Variants in SDK2 observed in about 807,000 individuals in gnomAD.
The protein encoded by SDK2 is sidekick cell adhesion molecule 2.
In SDK2, 105 loss-of-function variants were observed where a neutral mutation model predicts 253.9. That is an observed-to-expected ratio of 0.41 (90% CI 0.35 to 0.49). The LOEUF (loss-of-function observed/expected upper bound fraction) is 0.49. Ranked by LOEUF, SDK2 falls within the 20% of genes least tolerant of loss-of-function variation. The pLI, the probability that SDK2 is intolerant of heterozygous loss-of-function variation, is 0.06. For synonymous variants in SDK2, 1,249 were observed against 1,234.9 expected (o/e 1.01, Z -0.24); for missense variants, 2,608 against 3,003.0 (o/e 0.87, Z 3.07).
At chr17:73,526,696 T>C (rs1468182278) in intron 1 of SDK2, among the ~76,000 whole-genome samples, 1 of 152,142 alleles carries the variant, frequency 6.6e-6, no homozygotes, top group Non-Finnish European at 1.5e-5. Context: ...TGTGTGCATA[T>C]GTGTGTATTT....
In SDK2 at chr17:73,397,963, T is replaced by G. The variant is rs1379742364; in HGVS notation, c.3354+72A>C. 46 of 1,517,584 alleles carry G rather than the reference T, an allele frequency of 3.0e-5. 1 individual carries two copies. The highest frequency in any genetic ancestry group is 2.9e-5 in the Non-Finnish European group (32 of 1,116,702). 94.0% of individuals were successfully genotyped at this position (1,517,584 alleles called of 1,614,324 possible). The stretch of plus-strand genomic sequence containing the variant: ...GAGAAAGGAGCTGTAGGAATTCTGA[T>G]GTGCACCTTCTAGGAGGCAATGACC... On this transcript the variant is annotated intron_variant, in intron 24 of 44. Transcript: ENST00000392650.
intron 2 of SDK2, among the ~76,000 whole-genome samples, chr17:73,501,348 C>T (rs1470357536): frequency 6.6e-6 from 1 of 152,216 alleles, no homozygotes; most frequent in South Asian, 2.1e-4. Context: ...CCACCTGTCC[C>T]CAGCACATGC....
Position 73,507,446 on chromosome 17 carries a change from C to T in SDK2, c.216G>A (p.Leu72=). 1 of 1,550,918 alleles carries T rather than the reference C, an allele frequency of 6.4e-7. No individual in the cohort carries two copies. Among genetic ancestry groups the T allele is most frequent in the South Asian group, 1.2e-5 (1 of 83,972 alleles). The change falls in exon 2 of 45, where the codon CTG becomes CTA. Residue 72 remains leucine (L), a synonymous_variant. Coordinates refer to ENST00000392650, the MANE Select transcript of SDK2 (RefSeq NM_001144952.2). ...GGGGAGGGGCAGTTTACCTGTATTC[C>T]AGGGAGAACTTGGTCAGCTCCCTGT... ...HNNRELTKFS[L]EYRYMITSLD...
chr17:73,401,380 G>A (rs999887736), intron 20 of SDK2, among the ~76,000 whole-genome samples, 169 bp from the exon 21 acceptor site: 6 of 152,150 alleles, frequency 3.9e-5, no homozygotes, highest in African/African-American at 1.2e-4. Context: ...CTCAGGTGTC[G>A]CCTCAGTGGG....
At chr17:73,480,494 G>C (rs137963404) in intron 2 of SDK2, among the ~76,000 whole-genome samples, 33 of 152,294 alleles carry the variant, frequency 2.2e-4, no homozygotes, top group African/African-American at 7.5e-4. Flanking sequence ...TTTGATTGTG[G>C]AAGGAGAGGC....
intron 1 of SDK2, among the ~76,000 whole-genome samples, chr17:73,627,782 C>T (rs768854063): frequency 4.6e-5 from 7 of 152,194 alleles, no homozygotes; most frequent in Non-Finnish European, 8.8e-5. Context: ...GGCGCAGTGG[C>T]TCACACCTGT....
In SDK2 at chr17:73,381,353, T is replaced by C. The variant is rs112743415; in HGVS notation, c.4706-403A>G. ...TATGAACCAGAAACAATTTTACTAC[T>C]AGGAAATATGACTGTATTATACACA... On this transcript the variant is annotated intron_variant, in intron 33 of 44. Transcript: ENST00000392650. Among the ~76,000 whole-genome samples the C allele has an allele frequency of 3.9e-3, 581 of 150,676 alleles. 3 individuals carry two copies. The highest frequency in any genetic ancestry group is 5.5e-3 in the Non-Finnish European group (370 of 67,784).
At chr17:73,520,324 T>C (rs1022604817) in intron 1 of SDK2, 3 of 152,246 alleles carry the variant, frequency 2.0e-5, no homozygotes, top group Admixed American at 6.5e-5. Context: ...ACCCACGAGG[T>C]CTGGTGGCCC....
rs1371328824 is a variant in SDK2, at chr17:73,643,476, G to T, written c.64+549C>A. Reference sequence around the variant, plus strand: ...GCACCCCCAGCCCCAGCGGCTGGCCGAGCAGCCAGGGGCGGGCTCCCGTAC... The same window carrying T: ...GCACCCCCAGCCCCAGCGGCTGGCCTAGCAGCCAGGGGCGGGCTCCCGTAC... On this transcript the variant is annotated intron_variant, in intron 1 of 44. Transcript: ENST00000392650. The surrounding 1 kb of genome is among the most constrained non-coding windows in gnomAD (Gnocchi z 6.9). 6.6e-6 allele frequency among the ~76,000 whole-genome samples: 1 copy of T among 152,096 alleles called. No homozygotes were observed. The highest frequency in any genetic ancestry group is 1.5e-5 in the Non-Finnish European group (1 of 67,992).
chr17:73,416,154 C>T (rs1400872211), intron 16 of SDK2, among the ~76,000 whole-genome samples, 162 bp from the exon 17 acceptor site: 1 of 151,206 alleles, frequency 6.6e-6, no homozygotes, highest in Admixed American at 6.6e-5. Context: ...CATGCAGCTG[C>T]TGAGCACTTG....
At chr17:73,355,174 A>ATATATATATATTTTTTT in intron 40 of SDK2, among the ~76,000 whole-genome samples, 1 of 47,224 alleles carries the variant, frequency 2.1e-5, no homozygotes, top group Non-Finnish European at 3.4e-5. Context: ...ATATATATAT[A>ATATATATATATTTTTTT]TTTTTTTTTT....
chr17:73,516,876 TA>T (rs1213636454), intron 1 of SDK2: 4 of 152,174 alleles, frequency 2.6e-5, no homozygotes, highest in Non-Finnish European at 4.4e-5. Flanking sequence ...CTAATCTGAT[TA>T]GGGGGGCACT....
At chr17:73,501,933 C>G (rs935591279) in intron 2 of SDK2, among the ~76,000 whole-genome samples, 1 of 152,198 alleles carries the variant, frequency 6.6e-6, no homozygotes, top group Non-Finnish European at 1.5e-5. Flanking sequence ...GGTGACAGAG[C>G]TAGCAGGGAC....
chr17:73,597,585 C>T (rs147508824), intron 1 of SDK2, among the ~76,000 whole-genome samples: 7 of 152,216 alleles, frequency 4.6e-5, no homozygotes, highest in South Asian at 2.1e-4. Flanking sequence ...CCCAGCCCAC[C>T]GCTATCCTTA....
chr17:73,446,046 G>C (rs1013845081), intron 5 of SDK2, among the ~76,000 whole-genome samples: 2 of 152,136 alleles, frequency 1.3e-5, no homozygotes, highest in African/African-American at 2.4e-5. Context: ...GGAGGAGCTG[G>C]ATGCCGGAGA....
rs368325344 is a variant in SDK2, at chr17:73,430,110, C to T, written c.1583+401G>A. Among the ~76,000 whole-genome samples the T allele has an allele frequency of 5.1e-4, 78 of 152,292 alleles. 2 individuals are homozygous for T. The South Asian group carries it at 0.016, about 31-fold the overall frequency. ...ACCCCTCTGCTGCCCATTCAGAGGC[C>T]AGAGGGCCAAAGACTTGGGGTGGGC... On this transcript the variant is annotated intron_variant, in intron 12 of 44. Transcript: ENST00000392650.
At position 73,534,233 on chromosome 17, in the gene SDK2, T is replaced by C. The variant is rs1474526102; in HGVS notation, c.65-26636A>G. On this transcript the variant is annotated intron_variant, in intron 1 of 44. Coordinates refer to ENST00000392650, the MANE Select transcript of SDK2 (RefSeq NM_001144952.2). This position sits in a 1 kb window ranked among gnomAD's most constrained non-coding sequence, Gnocchi z 4.9. ...CATCCTTGCTGAAGGAATGAATGCA[T>C]GTGTAATGAACGAATGAGGATCAAA... Among the ~76,000 whole-genome samples, 1 of 152,160 alleles carries C rather than the reference T, an allele frequency of 6.6e-6. No individual in the cohort carries two copies. The highest frequency in any genetic ancestry group is 2.4e-5 in the African/African-American group (1 of 41,424).
In SDK2 at chr17:73,423,041, A is replaced by AATAAATAG. The variant is rs61207815; in HGVS notation, c.1897+344_1897+345insCTATTTAT. Among the ~76,000 whole-genome samples the AATAAATAG allele has an allele frequency of 8.5e-3, 1,284 of 151,484 alleles. 9 individuals carry two copies. Among genetic ancestry groups the AATAAATAG allele is most frequent in the African/African-American group, 0.021 (852 of 41,220 alleles). On this transcript the variant is annotated intron_variant, in intron 14 of 44. Transcript: ENST00000392650. ...CGTCTCAAAAATGAATAAATAAATA[A>AATAAATAG]ATAATAAATAAATAAAATGCAATGC...
At chr17:73,475,752 G>C (rs1008172933) in intron 2 of SDK2, among the ~76,000 whole-genome samples, 2 of 152,198 alleles carry the variant, frequency 1.3e-5, no homozygotes, top group Admixed American at 1.3e-4. Context: ...TCTCATAGTT[G>C]ACTGTTAGGG....
Sources: gnomAD v4.1 joint callset for allele counts (sites outside exome capture counted in the v4.1 genomes callset) on GRCh38, gnomAD v4.1.1 for gene constraint, Gnocchi (gnomAD v3.1) non-coding constraint, MANE v1.5 for transcripts, NCBI Gene and HGNC (gene_info 2026-07-23, HGNC 2026-07-21) for gene names.